Variants in NRXN3 observed in about 807,000 individuals in gnomAD.
NRXN3 encodes neurexin 3.
In NRXN3, 32 loss-of-function variants were observed where a neutral mutation model predicts 137.6. That is an observed-to-expected ratio of 0.23 (90% CI 0.18 to 0.31). The LOEUF is 0.31. Among genes scored for constraint, NRXN3 ranks in the 10% least tolerant of loss-of-function variants. The probability of loss-of-function intolerance (pLI) is 1.00; values close to 1 mark genes in which losing one functional copy is unlikely to be tolerated. For synonymous variants in NRXN3, 798 were observed against 784.5 expected (o/e 1.02, Z -0.29); for missense variants, 1,574 against 2,062.5 (o/e 0.76, Z 4.59).
At chr14:79,806,964 T>A (rs71430703) in intron 20 of NRXN3, among the ~76,000 whole-genome samples, 110 of 20,326 alleles carry the variant, frequency 5.4e-3, no homozygotes, top group African/African-American at 0.016. Context: ...ATATATATAT[T>A]TTTTTTTTTT....
chr14:78,197,034 C>G (rs2061291948), intron 1 of NRXN3, among the ~76,000 whole-genome samples: 1 of 152,176 alleles, frequency 6.6e-6, no homozygotes, highest in South Asian at 2.1e-4. Context: ...GGGTACCATT[C>G]CTGCTTGCTC....
At chr14:79,708,862 C>T (rs960611789) in intron 19 of NRXN3, among the ~76,000 whole-genome samples, 2 of 152,140 alleles carry the variant, frequency 1.3e-5, no homozygotes, top group Admixed American at 1.3e-4. Context: ...AATAAATGCA[C>T]ACCACGTCTG....
At chr14:78,484,922 G>C (rs1217930657) in intron 4 of NRXN3, among the ~76,000 whole-genome samples, 2 of 152,200 alleles carry the variant, frequency 1.3e-5, no homozygotes, top group Admixed American at 6.5e-5. Flanking sequence ...GATAATGACT[G>C]TGAATTAGTG....
At chr14:79,148,854 GT>G (rs950057893) in intron 15 of NRXN3, among the ~76,000 whole-genome samples, 3 of 152,066 alleles carry the variant, frequency 2.0e-5, no homozygotes, top group Non-Finnish European at 4.4e-5. Context: ...TTTAAAGAGT[GT>G]TTTTTTCCCA....
At chr14:78,491,989 G>A (rs2095676769) in intron 4 of NRXN3, among the ~76,000 whole-genome samples, 1 of 152,100 alleles carries the variant, frequency 6.6e-6, no homozygotes, top group Non-Finnish European at 1.5e-5. Context: ...TTCCGCCTCT[G>A]CTGCTTACCA....
chr14:78,914,247 A>G (rs1250839796), intron 10 of NRXN3, among the ~76,000 whole-genome samples: 4 of 152,216 alleles, frequency 2.6e-5, no homozygotes, highest in Non-Finnish European at 5.9e-5. Context: ...AATTGAATCA[A>G]TGTATTCTGG....
At chr14:78,945,779 C>T (rs1397662615) in intron 10 of NRXN3, among the ~76,000 whole-genome samples, 1 of 152,210 alleles carries the variant, frequency 6.6e-6, no homozygotes, top group Non-Finnish European at 1.5e-5. Context: ...CATTAATATT[C>T]ATCCTAGTTC....
At chr14:78,341,023 A>G (rs1389865376) in intron 4 of NRXN3, among the ~76,000 whole-genome samples, 1 of 152,242 alleles carries the variant, frequency 6.6e-6, no homozygotes, top group African/African-American at 2.4e-5. Context: ...GTTTTTTATT[A>G]TAAGTATATT....
intron 15 of NRXN3, among the ~76,000 whole-genome samples, chr14:79,331,797 T>TA (rs953403114): frequency 3.3e-5 from 5 of 151,298 alleles, no homozygotes; most frequent in African/African-American, 9.7e-5. Flanking sequence ...GCTCAAAGTG[T>TA]AAAAAAAAAG....
intron 8 of NRXN3, among the ~76,000 whole-genome samples, chr14:78,778,682 C>CTT (rs1449037539): frequency 9.6e-5 from 7 of 72,858 alleles, no homozygotes; most frequent in Non-Finnish European, 2.1e-4. Flanking sequence ...CTTTTCTTTT[C>CTT]TTTCTTTCTT....
chr14:78,758,874 A>G (rs986415977), intron 8 of NRXN3, among the ~76,000 whole-genome samples: 1 of 152,214 alleles, frequency 6.6e-6, no homozygotes, highest in Non-Finnish European at 1.5e-5. Flanking sequence ...TCCTTCGCAA[A>G]GAAGTATAGC....
chr14:79,757,688 T>C (rs961979776), intron 19 of NRXN3, among the ~76,000 whole-genome samples: 2 of 152,226 alleles, frequency 1.3e-5, no homozygotes, highest in Non-Finnish European at 1.5e-5. Flanking sequence ...CCTGAGTTCC[T>C]GCCTAGGTCT....
intron 15 of NRXN3, among the ~76,000 whole-genome samples, chr14:79,325,620 G>A (rs373151527): frequency 6.6e-6 from 1 of 152,328 alleles, no homozygotes. Context: ...CACTCTGAAA[G>A]CATGAGGCAG....
At chr14:79,624,801 T>G (rs117076249) in intron 16 of NRXN3, among the ~76,000 whole-genome samples, 3,478 of 130,408 alleles carry the variant, frequency 0.027, 199 homozygotes, top group East Asian at 0.23. Context: ...GTTTTTTTTT[T>G]TGTTTGTTTT....
chr14:79,706,951 C>T (rs766938375), intron 19 of NRXN3, among the ~76,000 whole-genome samples: 1 of 152,110 alleles, frequency 6.6e-6, no homozygotes, highest in African/African-American at 2.4e-5. Context: ...CACTCTTAAC[C>T]TGTCTATTCT....
At chr14:79,699,892 C>T (rs544925248) in intron 19 of NRXN3, among the ~76,000 whole-genome samples, 12 of 151,994 alleles carry the variant, frequency 7.9e-5, no homozygotes, top group Non-Finnish European at 1.5e-4. Context: ...TAAGTACATC[C>T]TCTTGGAGGA....
intron 15 of NRXN3, among the ~76,000 whole-genome samples, chr14:79,332,670 T>G (rs2091860918): frequency 6.6e-6 from 1 of 152,240 alleles, no homozygotes; most frequent in Admixed American, 6.5e-5. Context: ...CTGGATACTC[T>G]GAGTCATTAC....
At chr14:78,830,610 C>T (rs1421363334) in intron 10 of NRXN3, among the ~76,000 whole-genome samples, 2 of 150,932 alleles carry the variant, frequency 1.3e-5, no homozygotes, top group Non-Finnish European at 3.0e-5. Flanking sequence ...CTTGGTGTTT[C>T]CTATTTGTAA....
chr14:78,605,521 C>A (rs778702466), intron 4 of NRXN3, among the ~76,000 whole-genome samples: 3 of 152,042 alleles, frequency 2.0e-5, no homozygotes, highest in East Asian at 1.9e-4. Flanking sequence ...TCAAAACTAA[C>A]CCTGTGAGAT....
Sources: allele counts gnomAD v4.1 joint callset (sites outside exome capture counted in the v4.1 genomes callset), GRCh38; gene constraint gnomAD v4.1.1; transcripts MANE v1.5; gene names NCBI Gene and HGNC (gene_info 2026-07-23, HGNC 2026-07-21).